Variants in ENAH observed in about 807,000 individuals in gnomAD.
The protein encoded by ENAH is ENAH actin regulator, also known as protein enabled homolog.
ENAH carries 23 observed loss-of-function variants against 78.7 expected under a neutral mutation model. That is an observed-to-expected ratio of 0.29 (90% CI 0.21 to 0.41). The LOEUF (loss-of-function observed/expected upper bound fraction) is 0.41, where lower values mean the gene tolerates loss of function less well. ENAH is among the 10% of genes least tolerant of loss of function. ENAH has a pLI of 1.00. For missense variants in ENAH, 544 were observed against 691.0 expected (o/e 0.79, Z 2.39); for synonymous variants, 226 against 241.0 (o/e 0.94, Z 0.58).
chr1:225,548,589 G>T (rs967944555), intron 3 of ENAH, among the ~76,000 whole-genome samples: 1 of 152,190 alleles, frequency 6.6e-6, no homozygotes, highest in Non-Finnish European at 1.5e-5. Flanking sequence ...TGGCCTGAAG[G>T]CTCGAAAACC....
chr1:225,517,054 T>TA (rs150663666), intron 6 of ENAH, 142 bp downstream of exon 6: 5,899 of 477,528 alleles, frequency 0.012, 2 homozygotes, highest in Non-Finnish European at 0.014. Flanking sequence ...TTTTTTTAAT[T>TA]AAAAAAAAAA....
rs1434957013 is a variant in ENAH at position 225,493,291 on chromosome 1, G to A, written c.*4484C>T. Reference sequence around the variant, plus strand: ...TTCTATAAACGGACTTTCTTGAGGGGTTACTGACTTCAGCTGCTTAGTCAA... The same window carrying A: ...TTCTATAAACGGACTTTCTTGAGGGATTACTGACTTCAGCTGCTTAGTCAA... On this transcript the variant is annotated 3_prime_UTR_variant, in exon 14 of 14. Coordinates refer to ENST00000366843, the MANE Select transcript of ENAH (RefSeq NM_018212.6). 4 of 152,150 alleles carry A rather than the reference G, an allele frequency of 2.6e-5. No homozygotes were observed. The highest frequency in any genetic ancestry group is 5.9e-5 in the Non-Finnish European group (4 of 68,028). 9.4% of individuals were successfully genotyped at this position (152,150 alleles called of 1,614,324 possible). A position where few individuals can be genotyped will look rare whatever the true frequency, so the allele number is the denominator to read the frequency against.
chr1:225,508,486 T>A (rs188947370), intron 10 of ENAH: 2 of 152,266 alleles, frequency 1.3e-5, no homozygotes, highest in Non-Finnish European at 2.9e-5. Context: ...TAAATCCAAA[T>A]AGTCCCTCTT....
At chr1:225,550,003 C>T (rs1172257668) in intron 3 of ENAH, among the ~76,000 whole-genome samples, 1 of 152,194 alleles carries the variant, frequency 6.6e-6, no homozygotes, top group Non-Finnish European at 1.5e-5. Flanking sequence ...TGACTCTTCA[C>T]CACCTCCATG....
At chr1:225,599,031 CTGCCATCAGG>C (rs1416752047) in intron 1 of ENAH, among the ~76,000 whole-genome samples, 1 of 152,152 alleles carries the variant, frequency 6.6e-6, no homozygotes, top group Non-Finnish European at 1.5e-5. Flanking sequence ...ATTGGGAAAA[CTGCCATCAGG>C]TGCCTCCAGA....
intron 1 of ENAH, 45 bp from the exon 2 acceptor site, chr1:225,567,459 TATGCTA>T: frequency 6.4e-7 from 1 of 1,571,958 alleles, no homozygotes; most frequent in East Asian, 2.3e-5. Flanking sequence ...ATATTTAAAA[TATGCTA>T]AGTGTTCCAC....
chr1:225,511,922 T>C (rs371419067), intron 9 of ENAH, 63 bp from the exon 10 acceptor site: 13 of 1,087,234 alleles, frequency 1.2e-5, no homozygotes, highest in Non-Finnish European at 1.8e-5. Flanking sequence ...ATACATTTAG[T>C]GTTTTACACG....
rs1274804106 is a variant in ENAH at position 225,492,101 on chromosome 1, TA to T, written c.*5673del. ...TCTTAGAATTTTTTTTTTTTTTTTT[TA>T]GAGACAGGTTCTCGCTCTGTCACCC... is the stretch of plus-strand genomic sequence containing the variant. On this transcript the variant is annotated 3_prime_UTR_variant, in exon 14 of 14. Transcript: ENST00000366843. 2.3e-5 allele frequency: 3 copies of T among 129,974 alleles called. No individual in the cohort carries two copies. Among genetic ancestry groups the T allele is most frequent in the South Asian group, 4.7e-4 (2 of 4,250 alleles). The allele number at this position is 129,974 out of a possible 1,614,324, so 8.1% of individuals were successfully genotyped here. A position where few individuals can be genotyped will look rare whatever the true frequency, so the allele number is the denominator to read the frequency against.
At chr1:225,638,148 G>C (rs1189542280) in intron 1 of ENAH, among the ~76,000 whole-genome samples, 3 of 152,038 alleles carry the variant, frequency 2.0e-5, no homozygotes, top group Non-Finnish European at 4.4e-5. Flanking sequence ...AGGTCTCACA[G>C]CCAGTAAATA....
rs147843407 is a variant in ENAH at position 225,512,882 on chromosome 1, C to G, written c.1353G>C (p.Leu451=). The G allele has an allele frequency of 5.0e-6, 8 of 1,613,444 alleles. No homozygotes were observed. Among genetic ancestry groups the G allele is most frequent in the Non-Finnish European group, 5.9e-6 (7 of 1,179,808 alleles). The change falls in exon 8 of 14, where the codon CTG becomes CTC. Residue 451 remains leucine (L), a synonymous_variant. Coordinates refer to ENST00000366843, the MANE Select transcript of ENAH (RefSeq NM_018212.6). ...GSGLMEEMSA[L]LARRRRIAEK... is the part of the protein sequence containing the mutation. ...ATGAAATTCCTTACCTCCTGGCCAG[C>G]AGGGCACTCATTTCTTCCATTAAAC...
At chr1:225,550,878 A>T (rs1019349766) in intron 3 of ENAH, among the ~76,000 whole-genome samples, 2 of 152,178 alleles carry the variant, frequency 1.3e-5, no homozygotes, top group Non-Finnish European at 2.9e-5. Flanking sequence ...TTATGCATAT[A>T]ATTTTCTTTT....
At chr1:225,588,855 TAAAC>T (rs2096861136) in intron 1 of ENAH, among the ~76,000 whole-genome samples, 1 of 146,044 alleles carries the variant, frequency 6.8e-6, no homozygotes, top group Non-Finnish European at 1.5e-5. Context: ...CTTACAGAAT[TAAAC>T]AAACACCTAC....
At chr1:225,636,700 T>C (rs759260648) in intron 1 of ENAH, among the ~76,000 whole-genome samples, 1 of 152,052 alleles carries the variant, frequency 6.6e-6, no homozygotes, top group African/African-American at 2.4e-5. Context: ...AAGAATAAAA[T>C]GAGAAGGCCA....
chr1:225,621,544 G>A (rs1057056685), intron 1 of ENAH, among the ~76,000 whole-genome samples: 7 of 151,706 alleles, frequency 4.6e-5, no homozygotes, highest in South Asian at 2.1e-4. Context: ...CGCCCGCCTC[G>A]GCCTCCCAAA....
At chr1:225,535,642 C>T (rs575751791) in intron 3 of ENAH, 55 of 715,268 alleles carry the variant, frequency 7.7e-5, no homozygotes, top group Admixed American at 1.3e-4. Context: ...CTAAAAGGTG[C>T]TTTGAAATGT....
chr1:225,593,414 GGGGT>G lies in ENAH; in HGVS notation c.6-26004_6-26001del, dbSNP rs1321740531. 3.8e-3 allele frequency among the ~76,000 whole-genome samples: 426 copies of G among 111,404 alleles called. 2 individuals carry two copies. Among genetic ancestry groups the G allele is most frequent in the African/African-American group, 0.015 (408 of 27,126 alleles). 73.1% of individuals were successfully genotyped at this position (111,404 alleles called of 152,430 possible). ...CTGTGTGTGTGTGGGGGGGGGGGGG[GGGGT>G]GGGGGGTGCCCTAGTATGAGAACCC... On this transcript the variant is annotated intron_variant, in intron 1 of 13. Transcript: ENST00000366843.
intron 3 of ENAH, among the ~76,000 whole-genome samples, chr1:225,538,665 A>ATT (rs2096574462): frequency 6.6e-6 from 1 of 151,328 alleles, no homozygotes; most frequent in African/African-American, 2.4e-5. Flanking sequence ...ACCCGAATGC[A>ATT]TTTTATTCCC....
intron 1 of ENAH, among the ~76,000 whole-genome samples, chr1:225,571,025 A>T (rs1029549843): frequency 6.6e-6 from 1 of 152,176 alleles, no homozygotes; most frequent in African/African-American, 2.4e-5. Context: ...CTGTTTATGG[A>T]TATCTATAAA....
At chr1:225,627,652 T>A (rs1484050587) in intron 1 of ENAH, among the ~76,000 whole-genome samples, 1 of 152,214 alleles carries the variant, frequency 6.6e-6, no homozygotes, top group East Asian at 1.9e-4. Flanking sequence ...CCATACTTAA[T>A]ACTAAATTAT....
Sources: allele counts gnomAD v4.1 joint callset (sites outside exome capture counted in the v4.1 genomes callset), GRCh38; gene constraint gnomAD v4.1.1; transcripts MANE v1.5; gene names NCBI Gene and HGNC (gene_info 2026-07-23, HGNC 2026-07-21).